SV2C: variants seen among roughly 807,000 people sequenced by gnomAD.
SV2C encodes the protein solute carrier family 22 member B3.
SV2C carries 49 observed loss-of-function variants against 79.7 expected under a neutral mutation model. The observed-to-expected ratio is 0.61, with a 90% CI of 0.49 to 0.78. The LOEUF (loss-of-function observed/expected upper bound fraction) is 0.78. Among genes scored for constraint, SV2C ranks in the 30% least tolerant of loss-of-function variants. The pLI is 0.00. For missense variants in SV2C, 833 were observed against 912.9 expected, an observed-to-expected ratio of 0.91 and a Z score of 1.13; for synonymous variants, 334 against 333.2, an observed-to-expected ratio of 1.00 and a Z score of -0.03.
At chr5:76,155,772 T>A (rs982144417) in intron 2 of SV2C, among the ~76,000 whole-genome samples, 1 of 151,568 alleles carries the variant, frequency 6.6e-6, no homozygotes, top group South Asian at 2.1e-4. Flanking sequence ...AGTAGGGGTG[T>A]CACTTAGAGA....
chr5:76,075,666 G>T, the SV2C span: 1 of 317,490 alleles, frequency 3.1e-6, no homozygotes, highest in South Asian at 3.1e-5. Context: ...ATGCAACCTT[G>T]AATTAACTGA....
the SV2C span, among the ~76,000 whole-genome samples, chr5:75,873,468 C>A: frequency 6.6e-6 from 1 of 151,990 alleles, no homozygotes; most frequent in Non-Finnish European, 1.5e-5. Context: ...ATCTCAGATA[C>A]TAATGTAAGT....
chr5:76,126,504 G>A (rs1748710560), intron 1 of SV2C, among the ~76,000 whole-genome samples: 1 of 152,146 alleles, frequency 6.6e-6, no homozygotes, highest in South Asian at 2.1e-4. Flanking sequence ...TCCAGAAGGA[G>A]TCCTTTGTAG....
chr5:76,211,708 T>C (rs1346079554), intron 4 of SV2C, among the ~76,000 whole-genome samples: 1 of 152,210 alleles, frequency 6.6e-6, no homozygotes, highest in Non-Finnish European at 1.5e-5. Flanking sequence ...ACAGTTCTGT[T>C]AGGGAACAAC....
At chr5:75,895,472 A>T in the SV2C span, among the ~76,000 whole-genome samples, 1 of 152,164 alleles carries the variant, frequency 6.6e-6, no homozygotes, top group East Asian at 1.9e-4. Flanking sequence ...AAGTGACATA[A>T]AGTAGTTTAA....
At chr5:75,984,561 C>CTA in the SV2C span, among the ~76,000 whole-genome samples, 649 of 48,808 alleles carry the variant, frequency 0.013, 2 homozygotes, top group African/African-American at 0.032. Context: ...ATCTATCTAT[C>CTA]TATCTATATC....
At chr5:76,097,213 T>C (rs1747596122) in intron 1 of SV2C, among the ~76,000 whole-genome samples, 1 of 152,220 alleles carries the variant, frequency 6.6e-6, no homozygotes, top group African/African-American at 2.4e-5. Flanking sequence ...AAAATCTGTT[T>C]CTAATAATTT....
At chr5:76,117,894 G>A (rs1013408241) in intron 1 of SV2C, among the ~76,000 whole-genome samples, 1 of 152,090 alleles carries the variant, frequency 6.6e-6, no homozygotes, top group Non-Finnish European at 1.5e-5. Context: ...TATAAAAATT[G>A]TTTAATAGCT....
At chr5:76,187,945 A>G (rs1000098440) in intron 2 of SV2C, among the ~76,000 whole-genome samples, 32 of 152,014 alleles carry the variant, frequency 2.1e-4, no homozygotes, top group African/African-American at 7.5e-4. Flanking sequence ...TTTTCTCTTT[A>G]CGTGATGCCA....
intron 3 of SV2C, among the ~76,000 whole-genome samples, chr5:76,199,979 G>T (rs559772034): frequency 6.6e-6 from 1 of 152,326 alleles, no homozygotes; most frequent in African/African-American, 2.4e-5. Flanking sequence ...GGGACTGAAG[G>T]CCTTTTACCA....
chr5:76,173,226 ACTTT>A (rs1044462677), intron 2 of SV2C, among the ~76,000 whole-genome samples: 1 of 149,738 alleles, frequency 6.7e-6, no homozygotes, highest in Non-Finnish European at 1.5e-5. Context: ...AGCTCTTTGG[ACTTT>A]CTTTTATTAT....
chr5:75,962,532 T>C, the SV2C span, among the ~76,000 whole-genome samples: 1 of 152,174 alleles, frequency 6.6e-6, no homozygotes, highest in Non-Finnish European at 1.5e-5. Context: ...ACACTGTCTC[T>C]GTATGTTTGC....
chr5:76,243,930 G>A (rs1305535285), intron 4 of SV2C, among the ~76,000 whole-genome samples: 1 of 152,142 alleles, frequency 6.6e-6, no homozygotes, highest in Non-Finnish European at 1.5e-5. Flanking sequence ...ATTTGCACAT[G>A]TAGTCCCCTC....
At chr5:75,938,229 G>A in the SV2C span, among the ~76,000 whole-genome samples, 4 of 152,288 alleles carry the variant, frequency 2.6e-5, no homozygotes, top group African/African-American at 9.6e-5. Flanking sequence ...TCGAGGACTG[G>A]TGTTATCTAA....
At chr5:75,996,468 A>C in the SV2C span, among the ~76,000 whole-genome samples, 15 of 152,102 alleles carry the variant, frequency 9.9e-5, no homozygotes, top group East Asian at 3.9e-4. Context: ...GCAATGCGGG[A>C]TCTTTTTTGG....
At chr5:75,902,709 C>A in the SV2C span, among the ~76,000 whole-genome samples, 8 of 113,904 alleles carry the variant, frequency 7.0e-5, no homozygotes, top group African/African-American at 9.3e-4. Flanking sequence ...TCCCTTTGGA[C>A]TCTAACATTA....
chr5:76,281,412 A>AT (rs1219240288), intron 4 of SV2C: 4 of 276,940 alleles, frequency 1.4e-5, no homozygotes, highest in Non-Finnish European at 2.8e-5. Context: ...AAAAAAAAAA[A>AT]GGCAGGGAGC....
At chr5:76,336,032 C>T (rs529138669), downstream of SV2C, among the ~76,000 whole-genome samples, 47 of 138,646 alleles carry the variant, frequency 3.4e-4, no homozygotes, top group South Asian at 6.8e-3. Flanking sequence ...CCGGAGGGGG[C>T]GGCTAGCCGG....
chr5:76,295,493 G>A (rs751330561), intron 8 of SV2C, among the ~76,000 whole-genome samples: 2 of 152,148 alleles, frequency 1.3e-5, no homozygotes, highest in Non-Finnish European at 2.9e-5. Context: ...ACCATGTATG[G>A]GCATAGGATC....
Sources: gnomAD v4.1 joint callset for allele counts (sites outside exome capture counted in the v4.1 genomes callset) on GRCh38, gnomAD v4.1.1 for gene constraint, MANE v1.5 for transcripts, NCBI Gene and HGNC (gene_info 2026-07-23, HGNC 2026-07-21) for gene names.